Variants in TEX36 observed in about 807,000 individuals in gnomAD.
TEX36 encodes the protein testis-expressed protein 36.
In TEX36, 12 loss-of-function variants were observed where a neutral mutation model predicts 13.6. The ratio of observed to expected loss-of-function variants is 0.88; its 90% CI spans 0.56 to 1.43. The LOEUF (loss-of-function observed/expected upper bound fraction) is 1.43. TEX36 is among the 40% of genes most tolerant of loss of function. The probability of loss-of-function intolerance (pLI) is 0.00; values close to 1 mark genes in which losing one functional copy is unlikely to be tolerated. For missense variants in TEX36, 224 were observed against 228.3 expected (o/e 0.98, Z 0.12); for synonymous variants, 93 against 83.0 (o/e 1.12, Z -0.65).
chr10:125,652,841 A>G (rs1467052799), downstream of TEX36, among the ~76,000 whole-genome samples: 2 of 152,260 alleles, frequency 1.3e-5, no homozygotes, highest in Admixed American at 1.3e-4. Context: ...GTGAACAGAC[A>G]CTTCTCAAAG....
chr10:125,674,404 T>G (rs1847280400), intron 1 of TEX36, among the ~76,000 whole-genome samples: 1 of 152,220 alleles, frequency 6.6e-6, no homozygotes, highest in Admixed American at 6.5e-5. Flanking sequence ...TTACTCACCT[T>G]CTGAAGCCTA....
At chr10:125,644,395 G>GA (rs902546694) in intron 3 of TEX36, among the ~76,000 whole-genome samples, 33 of 150,906 alleles carry the variant, frequency 2.2e-4, no homozygotes, top group Non-Finnish European at 4.1e-4. Flanking sequence ...AGATATAATT[G>GA]AAAAAAAATT....
intron 3 of TEX36, among the ~76,000 whole-genome samples, chr10:125,581,130 A>C (rs1391105443): frequency 1.3e-5 from 2 of 152,046 alleles, no homozygotes; most frequent in Non-Finnish European, 2.9e-5. Flanking sequence ...TCAAGTCCCC[A>C]CATGTTTCCC....
intron 3 of TEX36, among the ~76,000 whole-genome samples, chr10:125,607,042 C>T (rs1446249954): frequency 6.6e-6 from 1 of 152,202 alleles, no homozygotes; most frequent in Non-Finnish European, 1.5e-5. Flanking sequence ...CATTCACATG[C>T]AAATGCTTAC....
At chr10:125,628,960 T>C (rs1846520629) in intron 3 of TEX36, among the ~76,000 whole-genome samples, 1 of 152,120 alleles carries the variant, frequency 6.6e-6, no homozygotes, top group Non-Finnish European at 1.5e-5. Flanking sequence ...AACATCCTCT[T>C]GAGGAAAATA....
At position 125,661,830 on chromosome 10, in the gene TEX36, A is replaced by G. The variant is rs983030815; in HGVS notation, c.183+16T>C. On this transcript the variant is annotated intron_variant, in intron 2 of 3. Coordinates refer to ENST00000368821, the MANE Select transcript of TEX36 (RefSeq NM_001128202.3). ...TCCACAGGAGCACATGGCAGTGGCCAGTGTTCAGGACTCACCTTCTCCCGG... is the reference window on the plus strand; with the variant it reads ...TCCACAGGAGCACATGGCAGTGGCCGGTGTTCAGGACTCACCTTCTCCCGG... 2.6e-6 allele frequency: 4 copies of G among 1,551,652 alleles called. No homozygotes were observed. The Admixed American group carries it at 7.8e-5, about 30-fold the overall frequency.
exon 4 of TEX36, chr10:125,576,698 T>C (rs1845828100): frequency 6.5e-7 from 1 of 1,532,840 alleles, no homozygotes; most frequent in Non-Finnish European, 8.7e-7. Flanking sequence ...ATACACATTC[T>C]ATTAGTCAGG....
intron 3 of TEX36, among the ~76,000 whole-genome samples, chr10:125,641,663 G>A (rs1310706226): frequency 6.6e-6 from 1 of 152,180 alleles, no homozygotes; most frequent in African/African-American, 2.4e-5. Flanking sequence ...TGAGTAAGTT[G>A]GGGTTTCTTT....
intron 3 of TEX36, among the ~76,000 whole-genome samples, chr10:125,657,382 A>G (rs1327011500): frequency 6.6e-6 from 1 of 152,210 alleles, no homozygotes; most frequent in Non-Finnish European, 1.5e-5. Context: ...ATCAGCCCCC[A>G]GAACCAGAGT....
intron 3 of TEX36, among the ~76,000 whole-genome samples, chr10:125,629,404 G>A (rs1846525727): frequency 6.6e-6 from 1 of 152,136 alleles, no homozygotes; most frequent in Non-Finnish European, 1.5e-5. Flanking sequence ...GAATGCATGG[G>A]GGGAGGTTCT....
At chr10:125,630,565 C>T (rs1383370223) in intron 3 of TEX36, among the ~76,000 whole-genome samples, 1 of 152,128 alleles carries the variant, frequency 6.6e-6, no homozygotes, top group Non-Finnish European at 1.5e-5. Flanking sequence ...CTGCCATATT[C>T]TACTGGACAC....
At chr10:125,594,928 T>A (rs895911294) in intron 3 of TEX36, among the ~76,000 whole-genome samples, 1 of 152,130 alleles carries the variant, frequency 6.6e-6, no homozygotes, top group Non-Finnish European at 1.5e-5. Flanking sequence ...TAGACAAACA[T>A]CTGGCAAGAT....
chr10:125,640,010 C>T, intron 3 of TEX36: 3 of 259,272 alleles, frequency 1.2e-5, no homozygotes, highest in Non-Finnish European at 1.8e-5. Flanking sequence ...AAAGGAATTA[C>T]AACCATGTGT....
intron 1 of TEX36, among the ~76,000 whole-genome samples, chr10:125,668,825 C>A (rs916647773): frequency 2.0e-5 from 3 of 152,120 alleles, no homozygotes; most frequent in Non-Finnish European, 4.4e-5. Context: ...TTTATGTAAT[C>A]TTTCTACCAT....
At chr10:125,601,627 A>G (rs1236749659) in intron 3 of TEX36, among the ~76,000 whole-genome samples, 1 of 152,176 alleles carries the variant, frequency 6.6e-6, no homozygotes, top group Non-Finnish European at 1.5e-5. Context: ...GTTTGGGGAG[A>G]AGATGGTGCA....
At chr10:125,615,943 T>A (rs1438845900) in intron 3 of TEX36, among the ~76,000 whole-genome samples, 1 of 152,216 alleles carries the variant, frequency 6.6e-6, no homozygotes, top group Non-Finnish European at 1.5e-5. Context: ...AGCTATTGAT[T>A]ATTGCCACAA....
chr10:125,634,538 A>T (rs990445089), intron 3 of TEX36, among the ~76,000 whole-genome samples: 2 of 152,222 alleles, frequency 1.3e-5, no homozygotes, highest in Admixed American at 6.5e-5. Flanking sequence ...GCTATTAAAT[A>T]AATAACAAAA....
intron 3 of TEX36, among the ~76,000 whole-genome samples, chr10:125,658,018 A>G (rs1457442506): frequency 6.6e-6 from 1 of 152,192 alleles, no homozygotes; most frequent in Non-Finnish European, 1.5e-5. Flanking sequence ...AAAAAAAGAA[A>G]AATATAAGCA....
At chr10:125,675,732 G>C (rs548451533) in intron 1 of TEX36, among the ~76,000 whole-genome samples, 6 of 152,276 alleles carry the variant, frequency 3.9e-5, no homozygotes, top group Middle Eastern at 3.4e-3. Context: ...GTCAGTCTCT[G>C]ACAGAATCAG....
Sources: allele counts gnomAD v4.1 joint callset (sites outside exome capture counted in the v4.1 genomes callset), GRCh38; gene constraint gnomAD v4.1.1; transcripts MANE v1.5; gene names NCBI Gene and HGNC (gene_info 2026-07-23, HGNC 2026-07-21).